Variants in INSYN2B observed in about 807,000 individuals in gnomAD.
INSYN2B encodes the protein protein INSYN2B.
In INSYN2B, 16 loss-of-function variants were observed where a neutral mutation model predicts 41.2. The observed-to-expected ratio is 0.39, with a 90% CI of 0.26 to 0.59. The LOEUF is 0.59. Ranked by LOEUF, INSYN2B falls within the 20% of genes least tolerant of loss-of-function variation. The pLI is 0.57. For missense variants in INSYN2B, 608 were observed against 646.4 expected (o/e 0.94, Z 0.64); for synonymous variants, 245 against 244.4 (o/e 1.00, Z -0.02).
chr5:169,887,554 C>T (rs1237163887), intron 1 of INSYN2B, among the ~76,000 whole-genome samples: 1 of 152,164 alleles, frequency 6.6e-6, no homozygotes, highest in Non-Finnish European at 1.5e-5. Flanking sequence ...TTATGGTGTA[C>T]AGATCACACT....
At chr5:169,916,514 CCACTGA>C in intron 1 of INSYN2B, among the ~76,000 whole-genome samples, 2 of 152,298 alleles carry the variant, frequency 1.3e-5, no homozygotes, top group South Asian at 4.1e-4. Flanking sequence ...CATGGCTCTG[CCACTGA>C]CTAGCTATTG....
chr5:169,879,524 G>T (rs146267057), intron 3 of INSYN2B, among the ~76,000 whole-genome samples: 1 of 152,282 alleles, frequency 6.6e-6, no homozygotes, highest in Non-Finnish European at 1.5e-5. Context: ...ATGGTAATGA[G>T]GGATATATGC....
At chr5:169,895,737 T>G (rs1421792020) in intron 1 of INSYN2B, among the ~76,000 whole-genome samples, 1 of 152,164 alleles carries the variant, frequency 6.6e-6, no homozygotes, top group African/African-American at 2.4e-5. Flanking sequence ...GAGTTATTCA[T>G]GCACTTACAC....
intron 3 of INSYN2B, among the ~76,000 whole-genome samples, chr5:169,876,692 C>T (rs147747544): frequency 4.9e-4 from 75 of 152,332 alleles, no homozygotes; most frequent in Middle Eastern, 3.4e-3. Flanking sequence ...CTTAAAAAGA[C>T]CCATTGAGAA....
At chr5:169,932,638 T>C (rs1775808986) in intron 1 of INSYN2B, among the ~76,000 whole-genome samples, 1 of 152,226 alleles carries the variant, frequency 6.6e-6, no homozygotes. Context: ...TTGTTTTAAG[T>C]AATCCAAACC....
At position 169,889,044 on chromosome 5, in the gene INSYN2B, G is replaced by C. The variant is rs550511671; in HGVS notation, c.-918-4228C>G. Among the ~76,000 whole-genome samples, 4 of 152,252 alleles carry C rather than the reference G, an allele frequency of 2.6e-5. No individual in the cohort carries two copies. In the South Asian group the frequency reaches 8.3e-4, roughly 32 times the overall value. ...TTCAACTAGACTCTAAGCTCCTTGA[G>C]AGACATGTGGTAATGGTCTACTCTG... On this transcript the variant is annotated intron_variant, in intron 1 of 3. Transcript: ENST00000377365.
At chr5:169,921,217 A>T (rs1470284070) in intron 1 of INSYN2B, among the ~76,000 whole-genome samples, 1 of 152,222 alleles carries the variant, frequency 6.6e-6, no homozygotes, top group Non-Finnish European at 1.5e-5. Flanking sequence ...TTGTGACTTG[A>T]ACTAAGTCCG....
intron 1 of INSYN2B, 111 bp downstream of exon 1, chr5:169,980,166 A>G (rs1777889412): frequency 6.6e-6 from 1 of 152,148 alleles, no homozygotes; most frequent in Admixed American, 6.5e-5. Flanking sequence ...TCCCAGTCTC[A>G]CTGTTGATTT....
chr5:169,918,452 T>C (rs1224899395), intron 1 of INSYN2B, among the ~76,000 whole-genome samples: 1 of 152,180 alleles, frequency 6.6e-6, no homozygotes, highest in African/African-American at 2.4e-5. Flanking sequence ...ACTAGAAGAA[T>C]GGCCAAATGA....
At chr5:169,950,572 T>C (rs1776620413) in intron 1 of INSYN2B, among the ~76,000 whole-genome samples, 1 of 152,182 alleles carries the variant, frequency 6.6e-6, no homozygotes, top group Non-Finnish European at 1.5e-5. Context: ...TGTCAGTTTC[T>C]CTTTTGGTTT....
At chr5:169,898,801 T>G (rs1773759705) in intron 1 of INSYN2B, among the ~76,000 whole-genome samples, 1 of 152,168 alleles carries the variant, frequency 6.6e-6, no homozygotes, top group South Asian at 2.1e-4. Context: ...CCAATTAAAC[T>G]GAATTTACCC....
chr5:169,918,283 A>T (rs780362606), intron 1 of INSYN2B, among the ~76,000 whole-genome samples: 3 of 152,230 alleles, frequency 2.0e-5, no homozygotes, highest in Non-Finnish European at 2.9e-5. Flanking sequence ...ACTATCTCTC[A>T]AAATGTTGTG....
intron 1 of INSYN2B, among the ~76,000 whole-genome samples, chr5:169,929,506 G>C (rs945295795): frequency 2.0e-5 from 3 of 152,080 alleles, no homozygotes; most frequent in Admixed American, 6.5e-5. Context: ...GAAGGCTGAG[G>C]GGGGAGGATT....
At chr5:169,899,744 T>A (rs569430236) in intron 1 of INSYN2B, among the ~76,000 whole-genome samples, 1 of 152,344 alleles carries the variant, frequency 6.6e-6, no homozygotes, top group East Asian at 1.9e-4. Flanking sequence ...CTTGTTGGCA[T>A]ACAAAGACTG....
chr5:169,879,409 T>C (rs979026590), intron 3 of INSYN2B, among the ~76,000 whole-genome samples: 5 of 152,206 alleles, frequency 3.3e-5, no homozygotes, highest in African/African-American at 1.2e-4. Context: ...GTTACTACGA[T>C]GGGGCTGTTC....
intron 1 of INSYN2B, among the ~76,000 whole-genome samples, chr5:169,913,940 A>G (rs1216145937): frequency 2.0e-5 from 3 of 152,198 alleles, no homozygotes; most frequent in East Asian, 1.9e-4. Context: ...GATTGTGTCC[A>G]TTTCTACAGA....
intron 1 of INSYN2B, among the ~76,000 whole-genome samples, chr5:169,903,071 C>T (rs1031377405): frequency 2.6e-5 from 4 of 150,968 alleles, no homozygotes; most frequent in African/African-American, 9.7e-5. Context: ...GTACTCCAGC[C>T]TGGCGACAGA....
chr5:169,921,115 C>T (rs1164573418), intron 1 of INSYN2B, among the ~76,000 whole-genome samples: 1 of 152,040 alleles, frequency 6.6e-6, no homozygotes, highest in African/African-American at 2.4e-5. Context: ...GGGAAAAGCA[C>T]GTAGGGTGAT....
chr5:169,944,849 C>T (rs1776382486), intron 1 of INSYN2B, among the ~76,000 whole-genome samples: 2 of 152,190 alleles, frequency 1.3e-5, no homozygotes. Context: ...CTCCATCTGC[C>T]TTGTGGGCTC....
Sources: gnomAD v4.1 joint callset for allele counts (sites outside exome capture counted in the v4.1 genomes callset) on GRCh38, gnomAD v4.1.1 for gene constraint, MANE v1.5 for transcripts, NCBI Gene and HGNC (gene_info 2026-07-23, HGNC 2026-07-21) for gene names.